Variants in ZNF524 observed in about 807,000 individuals in gnomAD.
ZNF524 encodes zinc finger protein 524.
For synonymous variants in ZNF524, 194 were observed against 166.3 expected, an observed-to-expected ratio of 1.17 and a Z score of -1.28; for missense variants, 388 against 380.1, an observed-to-expected ratio of 1.02 and a Z score of -0.17.
chr19:55,601,909 G>C (rs917963587), intron 1 of ZNF524, 166 bp from the exon 2 acceptor site: 2 of 444,628 alleles, frequency 4.5e-6, no homozygotes, highest in African/African-American at 4.1e-5. Context: ...GCTGATACAA[G>C]ATCATCTCAC....
At chr19:55,601,857 A>G (rs1980696799) in intron 1 of ZNF524, 1 of 369,318 alleles carries the variant, frequency 2.7e-6, no homozygotes, top group Admixed American at 4.4e-5. Flanking sequence ...TTAGGGAGGC[A>G]TAGGGATGTC....
At chr19:55,600,441 G>A (rs1193499760) in intron 1 of ZNF524, 33 bp downstream of exon 1, 1 of 149,470 alleles carries the variant, frequency 6.7e-6, no homozygotes, top group African/African-American at 2.4e-5. Flanking sequence ...AGGCGGGAGG[G>A]GGGGTGTGGG....
In ZNF524 at chr19:55,602,901, G is replaced by A. The variant is rs769651382; in HGVS notation, c.789G>A (p.Pro263=). 9 of 1,565,278 alleles carry A rather than the reference G, an allele frequency of 5.7e-6. No individual in the cohort carries two copies. Among genetic ancestry groups the A allele is most frequent in the Non-Finnish European group, 7.8e-6 (9 of 1,154,550 alleles). Residue 263 remains proline (P), a synonymous_variant, in exon 2 of 2, where the codon CCG becomes CCA. Coordinates refer to ENST00000301073, the MANE Select transcript of ZNF524 (RefSeq NM_153219.4). ...AGGAGACAGAGGGGAAAGGGGAGCC[G>A]GCCTGACCCACACCCCCGGCCATCG... ...EEEETEGKGE[P]A
Position 55,601,092 on chromosome 19 carries a change from T to C in ZNF524, c.-39+684T>C, listed in dbSNP as rs1187435488. On this transcript the variant is annotated intron_variant, in intron 1 of 1. Transcript: ENST00000301073. Reference sequence around the variant, plus strand: ...GGAGGAAACTGGCAAAGTCAATTGCTAGTTATAGGCAGAGCTGAATTCAAA... The same window carrying C: ...GGAGGAAACTGGCAAAGTCAATTGCCAGTTATAGGCAGAGCTGAATTCAAA... The C allele has an allele frequency of 2.6e-5, 4 of 152,268 alleles. No individual in the cohort carries two copies. In the South Asian group the frequency reaches 6.2e-4, roughly 24 times the overall value. 9.4% of individuals were successfully genotyped at this position (152,268 alleles called of 1,614,324 possible).
rs571129471 is a variant in ZNF524, at chr19:55,602,198, G to T, written c.86G>T (p.Arg29Leu). 4.3e-6 allele frequency: 7 copies of T among 1,611,862 alleles called. No homozygotes were observed. In the East Asian group the frequency reaches 1.6e-4, roughly 36 times the overall value. Reference protein sequence around the residue: ...KPLALSPPVPRGRRGRRPGGA... With the variant: ...KPLALSPPVPLGRRGRRPGGA... The stretch of plus-strand genomic sequence containing the variant: ...CTGGCCTTATCTCCTCCTGTTCCCC[G>T]GGGCCGCCGAGGCCGTCGTCCTGGG... The change falls in exon 2 of 2, where the codon CGG becomes CTG. Residue 29 changes from arginine (R) to leucine (L), a missense_variant. By Grantham distance (102) the Arg-to-Leu change is moderately radical. Coordinates refer to ENST00000301073, the MANE Select transcript of ZNF524 (RefSeq NM_153219.4).
Position 55,602,796 on chromosome 19 carries a change from C to T in ZNF524, c.684C>T (p.Pro228=), listed in dbSNP as rs1424195178. ...KRKHPEAMGV[P]LCAPDPGSEP... ...AGCACCCGGAGGCCATGGGGGTACC[C>T]CTGTGTGCACCAGATCCAGGGTCTG... The change falls in exon 2 of 2, where the codon CCC becomes CCT. Residue 228 remains proline (P), a synonymous_variant. Coordinates refer to ENST00000301073, the MANE Select transcript of ZNF524 (RefSeq NM_153219.4). 2 of 1,611,218 alleles carry T rather than the reference C, an allele frequency of 1.2e-6. No homozygotes were observed. Among genetic ancestry groups the T allele is most frequent in the Admixed American group, 1.7e-5 (1 of 59,924 alleles).
Position 55,602,861 on chromosome 19 carries a change from G to A in ZNF524, c.749G>A (p.Gly250Glu). 1 of 1,604,188 alleles carries A rather than the reference G, an allele frequency of 6.2e-7. No individual in the cohort carries two copies. The highest frequency in any genetic ancestry group is 8.5e-7 in the Non-Finnish European group (1 of 1,176,558). ...WDEEGIPATA[G>E]AEEEEETEGK... ...GAGGAGGGCATCCCGGCCACAGCAG[G>A]GGCCGAGGAGGAGGAGGAGACAGAG... The change falls in exon 2 of 2, where the codon GGG becomes GAG. Residue 250 changes from glycine to glutamate, a missense_variant. Gly to Glu is a moderately conservative substitution (Grantham distance 98, BLOSUM62 -2). Coordinates refer to ENST00000301073, the MANE Select transcript of ZNF524 (RefSeq NM_153219.4).
rs1434937599 is a variant in ZNF524, at chr19:55,602,900, C to T, written c.788C>T (p.Pro263Leu). The T allele has an allele frequency of 1.3e-6, 2 of 1,565,732 alleles. No individual in the cohort carries two copies. The highest frequency in any genetic ancestry group is 4.6e-5 in the East Asian group (2 of 43,390). The change falls in exon 2 of 2, where the codon CCG becomes CTG. Residue 263 changes from proline (P) to leucine (L), a missense_variant. Pro to Leu is a moderately conservative substitution (Grantham distance 98). Transcript: ENST00000301073. ...EEEETEGKGE[P>L]A ...GAGGAGACAGAGGGGAAAGGGGAGC[C>T]GGCCTGACCCACACCCCCGGCCATC...
rs757263158 is a variant in ZNF524 at position 55,602,801 on chromosome 19, G to A, written c.689G>A (p.Cys230Tyr). 9 of 1,611,252 alleles carry A rather than the reference G, an allele frequency of 5.6e-6. No individual in the cohort carries two copies. The highest frequency in any genetic ancestry group is 7.6e-6 in the Non-Finnish European group (9 of 1,179,744). Reference protein sequence around the residue: ...KHPEAMGVPLCAPDPGSEPPW... With the variant: ...KHPEAMGVPLYAPDPGSEPPW... ...CCGGAGGCCATGGGGGTACCCCTGT[G>A]TGCACCAGATCCAGGGTCTGAACCG... Residue 230 changes from cysteine to tyrosine, a missense_variant, in exon 2 of 2, where the codon TGT becomes TAT. Cys to Tyr is a radical substitution (Grantham distance 194). Coordinates refer to ENST00000301073, the MANE Select transcript of ZNF524 (RefSeq NM_153219.4).
rs1980718791 is a variant in ZNF524, at chr19:55,602,215, C to T, written c.103C>T (p.Arg35Cys). 1.2e-6 allele frequency: 2 copies of T among 1,612,460 alleles called. No homozygotes were observed. Among genetic ancestry groups the T allele is most frequent in the Non-Finnish European group, 1.7e-6 (2 of 1,179,558 alleles). Residue 35 changes from arginine (R) to cysteine (C), a missense_variant, in exon 2 of 2, where the codon CGT (arginine) becomes TGT (cysteine). Arg to Cys is a radical substitution (Grantham distance 180). Coordinates refer to ENST00000301073, the MANE Select transcript of ZNF524 (RefSeq NM_153219.4). Reference sequence around the variant, plus strand: ...TGTTCCCCGGGGCCGCCGAGGCCGTCGTCCTGGGGGAGCCACCTCCTCAAA... The same window carrying T: ...TGTTCCCCGGGGCCGCCGAGGCCGTTGTCCTGGGGGAGCCACCTCCTCAAA... Reference protein sequence around the residue: ...PPVPRGRRGRRPGGATSSNRT... With the variant: ...PPVPRGRRGRCPGGATSSNRT...
chr19:55,602,539 C>G lies in ZNF524; in HGVS notation c.427C>G (p.Gln143Glu). 2 of 1,593,110 alleles carry G rather than the reference C, an allele frequency of 1.3e-6. No homozygotes were observed. The highest frequency in any genetic ancestry group is 1.7e-6 in the Non-Finnish European group (2 of 1,175,716). The change falls in exon 2 of 2, where the codon CAG (glutamine) becomes GAG (glutamate). Residue 143 changes from glutamine to glutamate, a missense_variant. Gln to Glu is a conservative substitution (Grantham distance 29, BLOSUM62 2). Transcript: ENST00000301073. ...SISHSELKPH[Q>E]CKVCGKTFKR... ...CTCGCACTCAGAGCTGAAGCCGCAC[C>G]AGTGCAAGGTTTGCGGCAAGACCTT...
rs781008660 is a variant in ZNF524, at chr19:55,602,101, C to T, written c.-12C>T. 2.6e-6 allele frequency: 4 copies of T among 1,519,986 alleles called. No homozygotes were observed. The South Asian group carries it at 5.3e-5, about 20-fold the overall frequency. The allele number at this position is 1,519,986 out of a possible 1,614,324, so 94.2% of individuals were successfully genotyped here. A position where few individuals can be genotyped will look rare whatever the true frequency, so the allele number is the denominator to read the frequency against. On this transcript the variant is annotated 5_prime_UTR_variant, in exon 2 of 2. Transcript: ENST00000301073. ...TGGCTCCAGTGCCCAGACCCAAGCC[C>T]CCCACTGCTCAATGGACACCCCCAG...
At chr19:55,600,567 A>C (rs1393311904) in intron 1 of ZNF524, 159 bp downstream of exon 1, 1 of 149,908 alleles carries the variant, frequency 6.7e-6, no homozygotes, top group African/African-American at 2.5e-5. Flanking sequence ...CCTTCCTGGC[A>C]GCCCCCGCCG....
Position 55,602,753 on chromosome 19 carries a change from G to A in ZNF524, c.641G>A (p.Arg214Gln), listed in dbSNP as rs1363048321. The A allele has an allele frequency of 6.2e-7, 1 of 1,608,936 alleles. No homozygotes were observed. Among genetic ancestry groups the A allele is most frequent in the Non-Finnish European group, 8.5e-7 (1 of 1,179,842 alleles). ...RLRFTEANTL[R>Q]RHAKRKHPEA... Reference sequence around the variant, plus strand: ...CGCTTTACAGAGGCCAACACGCTCCGGCGCCATGCGAAGCGCAAGCACCCG... The same window carrying A: ...CGCTTTACAGAGGCCAACACGCTCCAGCGCCATGCGAAGCGCAAGCACCCG... Residue 214 changes from arginine (R) to glutamine (Q), a missense_variant, in exon 2 of 2, where the codon CGG (arginine) becomes CAG (glutamine). Physicochemically the swap from Arg to Gln is conservative, Grantham distance 43. Transcript: ENST00000301073.
chr19:55,602,247 A>T lies in ZNF524; in HGVS notation c.135A>T (p.Thr45=), dbSNP rs769086337. The change falls in exon 2 of 2, where the codon ACA becomes ACT. Residue 45 remains threonine (T), a synonymous_variant. Coordinates refer to ENST00000301073, the MANE Select transcript of ZNF524 (RefSeq NM_153219.4). The stretch of plus-strand genomic sequence containing the variant: ...GGGGAGCCACCTCCTCAAATCGGAC[A>T]CTCAAGGCCTCCCTCCCTCGCAAGC... ...RPGGATSSNR[T]LKASLPRKRG... The T allele has an allele frequency of 6.2e-6, 10 of 1,610,878 alleles. No homozygotes were observed. Among genetic ancestry groups the T allele is most frequent in the Non-Finnish European group, 8.5e-6 (10 of 1,178,914 alleles).
At chr19:55,600,206 C>T (rs1407752585), upstream of ZNF524, 1 of 151,926 alleles carries the variant, frequency 6.6e-6, no homozygotes, top group Non-Finnish European at 1.5e-5. Flanking sequence ...CCTTTGTTTC[C>T]CGCGGGCGCG....
rs910545362 is a variant in ZNF524, at chr19:55,600,339, C to T, written c.-108C>T. ...GGGCAGGGCCCCCTCACCCCCTCCC[C>T]TTCCCACGCGCCGGCCCCGTTGCCC... On this transcript the variant is annotated 5_prime_UTR_variant, in exon 1 of 2. Coordinates refer to ENST00000301073, the MANE Select transcript of ZNF524 (RefSeq NM_153219.4). 9 of 150,126 alleles carry T rather than the reference C, an allele frequency of 6.0e-5. No homozygotes were observed. The highest frequency in any genetic ancestry group is 2.0e-4 in the East Asian group (1 of 5,088). 9.3% of individuals were successfully genotyped at this position (150,126 alleles called of 1,614,324 possible).
rs1249092704 is a variant in ZNF524 at position 55,602,607 on chromosome 19, C to T, written c.495C>T (p.Ala165=). The T allele has an allele frequency of 4.4e-6, 7 of 1,580,188 alleles. No homozygotes were observed. In the East Asian group the frequency reaches 6.9e-5, roughly 16 times the overall value. Residue 165 remains alanine (A), a synonymous_variant, in exon 2 of 2, where the codon GCC becomes GCT. Coordinates refer to ENST00000301073, the MANE Select transcript of ZNF524 (RefSeq NM_153219.4). ...SHLRRHCNIH[A]GLRPFRCPLC... The stretch of plus-strand genomic sequence containing the variant: ...TGCGGCGGCACTGCAACATCCATGC[C>T]GGCCTGCGGCCCTTCCGCTGCCCGC...
In ZNF524 at chr19:55,602,406, A is replaced by G; in HGVS notation, c.294A>G (p.Glu98=). 1 of 1,586,248 alleles carries G rather than the reference A, an allele frequency of 6.3e-7. No homozygotes were observed. The highest frequency in any genetic ancestry group is 8.6e-7 in the Non-Finnish European group (1 of 1,168,038). ...AGGGTGTGCCCTATACGGTCTCTGA[A>G]GGTTCAGCGGCTGGGCCTGAGGGCT... ...DDQGVPYTVS[E]GSAAGPEGSG... Residue 98 remains glutamate, a synonymous_variant, in exon 2 of 2, where the codon GAA becomes GAG. Transcript: ENST00000301073.
Sources: gnomAD v4.1 joint callset for allele counts on GRCh38, gnomAD v4.1.1 for gene constraint, MANE v1.5 for transcripts, NCBI Gene and HGNC (gene_info 2026-07-23, HGNC 2026-07-21) for gene names.